Variants in AFG2B observed in about 807,000 individuals in gnomAD.
The protein encoded by AFG2B is ATPase family gene 2 protein homolog B.
chr15:45,404,139 G>C, the AFG2B span, among the ~76,000 whole-genome samples: 2 of 152,118 alleles, frequency 1.3e-5, no homozygotes, highest in African/African-American at 4.8e-5. Flanking sequence ...GAATTCTAAA[G>C]AACAGTTTGA....
the AFG2B span, among the ~76,000 whole-genome samples, chr15:45,406,725 T>C: frequency 6.6e-6 from 1 of 152,260 alleles, no homozygotes; most frequent in Admixed American, 6.5e-5. Flanking sequence ...AAATTGTCTT[T>C]TCATCTTAAA....
At chr15:45,412,942 CTG>C in the AFG2B span, among the ~76,000 whole-genome samples, 2 of 152,188 alleles carry the variant, frequency 1.3e-5, no homozygotes, top group South Asian at 4.1e-4. Flanking sequence ...ACATAACAGA[CTG>C]ATATATAAGT....
chr15:45,416,446 C>T, the AFG2B span, among the ~76,000 whole-genome samples: 2 of 152,282 alleles, frequency 1.3e-5, no homozygotes, highest in African/African-American at 2.4e-5. Flanking sequence ...TTAAATTGTC[C>T]CTGATACTTT....
At chr15:45,409,645 G>A in the AFG2B span, among the ~76,000 whole-genome samples, 4 of 151,908 alleles carry the variant, frequency 2.6e-5, no homozygotes, top group East Asian at 3.9e-4. Flanking sequence ...AGGATCGCTC[G>A]AGCCCATGAG....
chr15:45,410,289 A>C, the AFG2B span: 1 of 1,468,222 alleles, frequency 6.8e-7, no homozygotes, highest in Non-Finnish European at 9.3e-7. Flanking sequence ...ATCCAAAAGA[A>C]GATTTTAAAA....
chr15:45,417,562 T>C, the AFG2B span: 3 of 617,512 alleles, frequency 4.9e-6, no homozygotes, highest in South Asian at 8.1e-5. Flanking sequence ...GATACTCTGA[T>C]CTTGTTCACA....
the AFG2B span, chr15:45,414,545 A>T: frequency 1.9e-6 from 3 of 1,602,062 alleles, no homozygotes; most frequent in Admixed American, 5.0e-5. Context: ...TACTAAAACA[A>T]CTCTTCTCTT....
At chr15:45,418,762 C>G in the AFG2B span, 1 of 1,549,838 alleles carries the variant, frequency 6.5e-7, no homozygotes, top group South Asian at 1.2e-5. Context: ...GCAGTATTTA[C>G]TAAAAGCCTG....
At chr15:45,403,643 T>C in the AFG2B span, 1 of 1,227,914 alleles carries the variant, frequency 8.1e-7, no homozygotes, top group South Asian at 1.4e-5. Flanking sequence ...TTGGGGCTCT[T>C]TGCAATGCAG....
chr15:45,402,953 C>T, the AFG2B span: 51 of 1,597,280 alleles, frequency 3.2e-5, no homozygotes, highest in Non-Finnish European at 4.3e-5. Context: ...CCCGATCCCG[C>T]TGGGCTGGTC....
chr15:45,415,660 G>A, the AFG2B span: 23 of 1,613,918 alleles, frequency 1.4e-5, no homozygotes, highest in African/African-American at 4.0e-5. Context: ...TTGGGAGCTC[G>A]CTCAGCCAGC....
chr15:45,403,388 G>T, the AFG2B span: 7 of 1,611,254 alleles, frequency 4.3e-6, no homozygotes, highest in South Asian at 3.3e-5. Context: ...CCCGAGAGCC[G>T]CGTAGTGGCC....
chr15:45,418,557 G>A, the AFG2B span: 5 of 1,588,670 alleles, frequency 3.1e-6, no homozygotes, highest in South Asian at 5.9e-5. Flanking sequence ...TTTGTTCCAG[G>A]GCAGGCTTTC....
the AFG2B span, chr15:45,418,486 T>C: frequency 6.8e-7 from 1 of 1,465,842 alleles, no homozygotes; most frequent in Admixed American, 2.3e-5. Context: ...AAGCTAAAAA[T>C]ATTTTAATAA....
chr15:45,410,413 A>G, the AFG2B span: 1 of 1,613,878 alleles, frequency 6.2e-7, no homozygotes, highest in Non-Finnish European at 8.5e-7. Flanking sequence ...ACTTCCTTGA[A>G]GCTTTTAAAA....
chr15:45,417,264 C>G, the AFG2B span: 36 of 1,612,620 alleles, frequency 2.2e-5, no homozygotes, highest in Non-Finnish European at 2.9e-5. Flanking sequence ...TGTGTTTGCC[C>G]TCAGAGTTTC....
At chr15:45,405,568 G>GT in the AFG2B span, 1 of 1,522,952 alleles carries the variant, frequency 6.6e-7, no homozygotes, top group Non-Finnish European at 8.9e-7. Context: ...TAATTTGGGG[G>GT]TTAAAAAAAA....
chr15:45,411,403 C>T, the AFG2B span, among the ~76,000 whole-genome samples: 1 of 152,198 alleles, frequency 6.6e-6, no homozygotes, highest in South Asian at 2.1e-4. Flanking sequence ...CACCCTTGAA[C>T]TCCTGGGCTC....
chr15:45,414,522 CAT>C, the AFG2B span: 1 of 1,535,556 alleles, frequency 6.5e-7, no homozygotes, highest in South Asian at 1.1e-5. Context: ...GATGATATGA[CAT>C]TTTATTATTA....
Sources: gnomAD v4.1 joint callset for allele counts (sites outside exome capture counted in the v4.1 genomes callset) on GRCh38, gnomAD v4.1.1 for gene constraint, MANE v1.5 for transcripts, NCBI Gene and HGNC (gene_info 2026-07-23, HGNC 2026-07-21) for gene names.